Variants in TTC6 observed in about 807,000 individuals in gnomAD.
TTC6 encodes tetratricopeptide repeat domain 6, also known as tetratricopeptide repeat protein 6.
Under a neutral mutation model 210.4 loss-of-function variants are expected in TTC6, and 172 were observed. The observed-to-expected ratio is 0.82, with a 90% CI of 0.72 to 0.93. The LOEUF (loss-of-function observed/expected upper bound fraction) is 0.93, where lower values mean the gene tolerates loss of function less well. TTC6 is among the 40% of genes least tolerant of loss of function. The probability of loss-of-function intolerance (pLI) is 0.00; values close to 1 mark genes in which losing one functional copy is unlikely to be tolerated. For synonymous variants in TTC6, 804 were observed against 819.6 expected (o/e 0.98, Z 0.32); for missense variants, 2,414 against 2,318.1 (o/e 1.04, Z -0.85).
chr14:37,825,828 C>A (rs1171727888), intron 27 of TTC6, among the ~76,000 whole-genome samples: 2 of 151,956 alleles, frequency 1.3e-5, no homozygotes, highest in Admixed American at 6.6e-5. Context: ...CAGTGCGAAC[C>A]AAATAAATAC....
chr14:37,600,033 C>CG (rs2095612646), intron 1 of TTC6, among the ~76,000 whole-genome samples: 1 of 152,200 alleles, frequency 6.6e-6, no homozygotes, highest in African/African-American at 2.4e-5. Context: ...AAAGGATCCT[C>CG]GGGCTTTCCC....
intron 6 of TTC6, among the ~76,000 whole-genome samples, chr14:37,721,493 T>C (rs1318003864): frequency 6.6e-6 from 1 of 152,154 alleles, no homozygotes; most frequent in Non-Finnish European, 1.5e-5. Context: ...TTTTTTTCAG[T>C]GTCACAAATA....
chr14:37,775,216 C>T (rs997733341), intron 14 of TTC6, among the ~76,000 whole-genome samples: 1 of 152,068 alleles, frequency 6.6e-6, no homozygotes, highest in African/African-American at 2.4e-5. Flanking sequence ...TGGCTTTTCA[C>T]ATCTCAATTT....
chr14:37,599,209 G>A (rs1355440162), intron 1 of TTC6, among the ~76,000 whole-genome samples: 1 of 152,210 alleles, frequency 6.6e-6, no homozygotes, highest in African/African-American at 2.4e-5. Flanking sequence ...GCCTGGCCAG[G>A]GTTCGAACTC....
intron 1 of TTC6, among the ~76,000 whole-genome samples, chr14:37,597,479 G>A (rs188028715): frequency 2.6e-5 from 4 of 152,034 alleles, no homozygotes; most frequent in East Asian, 3.9e-4. Flanking sequence ...CCTTAAAGGG[G>A]GGGTCAATTA....
At chr14:37,802,555 G>A (rs760837406) in intron 20 of TTC6, among the ~76,000 whole-genome samples, 3 of 152,034 alleles carry the variant, frequency 2.0e-5, no homozygotes, top group African/African-American at 4.8e-5. Flanking sequence ...TGTAGGACCC[G>A]GAGCAGAGGG....
intron 3 of TTC6, among the ~76,000 whole-genome samples, 198 bp downstream of exon 5, chr14:37,683,162 G>A (rs1194630222): frequency 1.3e-5 from 2 of 152,052 alleles, no homozygotes; most frequent in South Asian, 2.1e-4. Context: ...GGTTTCTAGT[G>A]TCAACCCTAA....
chr14:37,664,068 C>T (rs1466878648), intron 1 of TTC6, among the ~76,000 whole-genome samples: 1 of 150,440 alleles, frequency 6.6e-6, no homozygotes, highest in Non-Finnish European at 1.5e-5. Flanking sequence ...GTGAAAATGG[C>T]CATACTGCCC....
chr14:37,816,188 G>T (rs1322943628), intron 25 of TTC6, among the ~76,000 whole-genome samples: 1 of 152,068 alleles, frequency 6.6e-6, no homozygotes, highest in Non-Finnish European at 1.5e-5. Context: ...AATCAATGTG[G>T]GGTGTCCACA....
At chr14:37,787,373 A>T (rs1243437225) in intron 14 of TTC6, 95 bp from the exon 17 acceptor site, 1 of 903,358 alleles carries the variant, frequency 1.1e-6, no homozygotes, top group Non-Finnish European at 1.6e-6. Context: ...ACATTTACAA[A>T]TTGTTATTCA....
chr14:37,700,500 T>C (rs1170182174), intron 4 of TTC6, among the ~76,000 whole-genome samples: 1 of 152,024 alleles, frequency 6.6e-6, no homozygotes, highest in African/African-American at 2.4e-5. Context: ...CCCAGCACTT[T>C]GGGAGGCCAA....
At chr14:37,805,416 G>GACACAC (rs60931072) in intron 21 of TTC6, among the ~76,000 whole-genome samples, 28,244 of 146,282 alleles carry the variant, frequency 0.19, 3,103 homozygotes, top group Non-Finnish European at 0.27. Flanking sequence ...TCTATCTCAA[G>GACACAC]ACACACACAC....
At chr14:37,751,654 G>C (rs997317123) in intron 13 of TTC6, among the ~76,000 whole-genome samples, 1 of 152,024 alleles carries the variant, frequency 6.6e-6, no homozygotes, top group East Asian at 1.9e-4. Flanking sequence ...GTGCTTACTG[G>C]TTCGTTCATA....
At chr14:37,604,769 G>A (rs2095621976) in intron 1 of TTC6, among the ~76,000 whole-genome samples, 1 of 152,160 alleles carries the variant, frequency 6.6e-6, no homozygotes, top group African/African-American at 2.4e-5. Context: ...ACTGAGATGA[G>A]AAAGCAAGAC....
chr14:37,647,136 C>T (rs1192936049), intron 1 of TTC6, among the ~76,000 whole-genome samples: 1 of 152,188 alleles, frequency 6.6e-6, no homozygotes. Flanking sequence ...CTAGTACTGT[C>T]CCTTCTGAGA....
intron 29 of TTC6, among the ~76,000 whole-genome samples, chr14:37,829,240 A>G (rs908473552): frequency 2.6e-5 from 4 of 151,954 alleles, no homozygotes; most frequent in Non-Finnish European, 5.9e-5. Flanking sequence ...TTTTCTTTTA[A>G]TAGGCAAGTT....
intron 7 of TTC6, among the ~76,000 whole-genome samples, chr14:37,725,271 A>C (rs2138834032): frequency 7.1e-6 from 1 of 141,482 alleles, no homozygotes; most frequent in Admixed American, 7.2e-5. Flanking sequence ...GTATATATGT[A>C]TATATATAAA....
At chr14:37,618,706 A>G (rs2095646602), upstream of TTC6, among the ~76,000 whole-genome samples, 1 of 152,212 alleles carries the variant, frequency 6.6e-6, no homozygotes, top group Admixed American at 6.5e-5. Context: ...TCTTGAACGC[A>G]CAATAGAAGT....
intron 20 of TTC6, among the ~76,000 whole-genome samples, chr14:37,801,246 A>G (rs1294709356): frequency 2.6e-5 from 4 of 152,166 alleles, no homozygotes; most frequent in Non-Finnish European, 5.9e-5. Flanking sequence ...GGTGGATTTT[A>G]CTTAAATGCC....
Sources: gnomAD v4.1 joint callset for allele counts (sites outside exome capture counted in the v4.1 genomes callset) on GRCh38, gnomAD v4.1.1 for gene constraint, MANE v1.5 for transcripts, NCBI Gene and HGNC (gene_info 2026-07-23, HGNC 2026-07-21) for gene names.